The following AK8 variants were observed in gnomAD, a reference collection of about 807,000 sequenced individuals.
The protein encoded by AK8 is ATP-AMP transphosphorylase 8.
AK8 carries 44 observed loss-of-function variants against 54.6 expected under a neutral mutation model. The observed-to-expected ratio is 0.81, with a 90% confidence interval of 0.63 to 1.04. The LOEUF is 1.04. Among genes scored for constraint, AK8 ranks in the 50% least tolerant of loss-of-function variants. AK8 has a pLI of 0.00. For missense variants in AK8, 555 were observed against 613.6 expected, an observed-to-expected ratio of 0.90 and a Z score of 1.01; for synonymous variants, 239 against 245.6, an observed-to-expected ratio of 0.97 and a Z score of 0.25.
At chr9:132,794,498 C>A (rs1433779527) in intron 10 of AK8, among the ~76,000 whole-genome samples, 3 of 152,224 alleles carry the variant, frequency 2.0e-5, no homozygotes, top group African/African-American at 7.2e-5. Flanking sequence ...TCTCTGAGGA[C>A]AGCCCCCAGC....
At chr9:132,784,246 G>A (rs892759433) in intron 11 of AK8, among the ~76,000 whole-genome samples, 8 of 151,496 alleles carry the variant, frequency 5.3e-5, no homozygotes, top group Non-Finnish European at 7.4e-5. Context: ...TAGGCCGGGC[G>A]CAGTGGCTCA....
chr9:132,863,389 T>C (rs1175005958), intron 4 of AK8, among the ~76,000 whole-genome samples: 1 of 152,228 alleles, frequency 6.6e-6, no homozygotes, highest in East Asian at 1.9e-4. Context: ...GCCTGGACCA[T>C]CCCACCAAGG....
chr9:132,794,049 G>A (rs215192), intron 10 of AK8, among the ~76,000 whole-genome samples: 82,206 of 152,072 alleles, frequency 0.54, 25,214 homozygotes, highest in East Asian at 0.81. Context: ...TTTCCCTGTG[G>A]CCGTGACTTG....
chr9:132,808,699 G>A (rs919527200), intron 10 of AK8, among the ~76,000 whole-genome samples: 6 of 152,204 alleles, frequency 3.9e-5, no homozygotes, highest in African/African-American at 1.4e-4. Context: ...GGTGGTGATG[G>A]TGACTGTGAG....
chr9:132,791,617 CAG>C lies in AK8; in HGVS notation c.1121+1015_1121+1016del, dbSNP rs1276893034. On this transcript the variant is annotated intron_variant, in intron 11 of 12. Coordinates refer to ENST00000298545, the MANE Select transcript of AK8 (RefSeq NM_152572.3). The surrounding 1 kb of genome is among the most constrained non-coding windows in gnomAD (Gnocchi z 4.0). ...ATATGACAAAAGTAAAGTAGTTAAA[CAG>C]AGAGGTACTACTGCAGAAATAGACA... 8.5e-5 allele frequency among the ~76,000 whole-genome samples: 13 copies of C among 152,216 alleles called. No individual in the cohort carries two copies. Among genetic ancestry groups the C allele is most frequent in the Middle Eastern group, 3.4e-3 (1 of 294 alleles).
intron 5 of AK8, among the ~76,000 whole-genome samples, chr9:132,831,565 A>G (rs1842103100): frequency 2.6e-5 from 4 of 152,132 alleles, no homozygotes; most frequent in Admixed American, 2.0e-4. Flanking sequence ...AAGCGGGGTC[A>G]GGCAACTGGG....
chr9:132,872,467 AT>A (rs950431937), intron 2 of AK8, among the ~76,000 whole-genome samples: 1 of 151,558 alleles, frequency 6.6e-6, no homozygotes, highest in Non-Finnish European at 1.5e-5. Flanking sequence ...TATCGAGCAC[AT>A]TTTTTTTTAG....
intron 10 of AK8, among the ~76,000 whole-genome samples, chr9:132,797,205 G>A (rs1265802970): frequency 6.7e-6 from 1 of 148,698 alleles, no homozygotes; most frequent in Non-Finnish European, 1.5e-5. Context: ...CCCACCCCAT[G>A]AAAGCAGGGA....
At chr9:132,828,557 C>T (rs906595521) in intron 6 of AK8, 88 bp downstream of exon 6, 4 of 1,207,676 alleles carry the variant, frequency 3.3e-6, no homozygotes, top group Non-Finnish European at 2.4e-6. Flanking sequence ...GGGCTGAGGT[C>T]AGGAGCAGGC....
At chr9:132,782,907 T>A (rs887565151) in intron 11 of AK8, among the ~76,000 whole-genome samples, 1 of 152,132 alleles carries the variant, frequency 6.6e-6, no homozygotes, top group Non-Finnish European at 1.5e-5. Flanking sequence ...AGTCTTCCAA[T>A]GGGAAGCTCT....
At chr9:132,872,809 T>TTTTTG (rs1367412875) in intron 2 of AK8, among the ~76,000 whole-genome samples, 2 of 152,052 alleles carry the variant, frequency 1.3e-5, no homozygotes, top group Non-Finnish European at 2.9e-5. Context: ...AATTTTTGTA[T>TTTTTG]TTTTGTTTTG....
At chr9:132,840,586 G>A (rs914491157) in intron 5 of AK8, among the ~76,000 whole-genome samples, 9 of 152,156 alleles carry the variant, frequency 5.9e-5, no homozygotes, top group Non-Finnish European at 5.9e-5. Flanking sequence ...ACTCACTTGA[G>A]TGGTGGTTTC....
At chr9:132,782,422 G>T (rs1332833081) in intron 11 of AK8, among the ~76,000 whole-genome samples, 1 of 152,270 alleles carries the variant, frequency 6.6e-6, no homozygotes, top group East Asian at 1.9e-4. Flanking sequence ...GGGAGCAGTG[G>T]CTCACGCCTG....
chr9:132,875,465 C>A (rs1588247649), intron 1 of AK8, among the ~76,000 whole-genome samples: 1 of 152,174 alleles, frequency 6.6e-6, no homozygotes, highest in Non-Finnish European at 1.5e-5. Context: ...CAGTCCAGGG[C>A]TCTCTCCCCT....
intron 11 of AK8, among the ~76,000 whole-genome samples, chr9:132,782,054 C>T (rs1013969889): frequency 3.3e-5 from 5 of 152,152 alleles, no homozygotes; most frequent in Non-Finnish European, 7.3e-5. Context: ...GCCTGTCCTT[C>T]GCCCTAGGGT....
intron 6 of AK8, 73 bp downstream of exon 6, chr9:132,828,572 T>A: frequency 1.5e-6 from 2 of 1,367,028 alleles, no homozygotes; most frequent in South Asian, 1.3e-5. Context: ...GCAGGCAGCA[T>A]GAGCGGGGCG....
chr9:132,829,343 C>A (rs73549171), intron 5 of AK8, among the ~76,000 whole-genome samples: 206 of 152,212 alleles, frequency 1.4e-3, no homozygotes, highest in African/African-American at 3.7e-3. Flanking sequence ...ACATTATCAA[C>A]GGCTGTGCAA....
chr9:132,795,798 A>T (rs215188), intron 10 of AK8, among the ~76,000 whole-genome samples: 32,780 of 152,008 alleles, frequency 0.22, 3,919 homozygotes, highest in East Asian at 0.42. Context: ...AAGAAAATCA[A>T]CCAAATGATG....
At chr9:132,854,745 CT>C in intron 5 of AK8, 111 bp downstream of exon 5, 2 of 1,203,056 alleles carry the variant, frequency 1.7e-6, no homozygotes, top group Non-Finnish European at 2.4e-6. Context: ...TCCCGTTTGC[CT>C]GCCTTACCTT....
Sources: allele counts gnomAD v4.1 joint callset (sites outside exome capture counted in the v4.1 genomes callset), GRCh38; gene constraint gnomAD v4.1.1; non-coding constraint Gnocchi (gnomAD v3.1); transcripts MANE v1.5; gene names NCBI Gene and HGNC (gene_info 2026-07-23, HGNC 2026-07-21).